ABCA4: variants seen among roughly 807,000 people sequenced by gnomAD.
The protein encoded by ABCA4 is retinal-specific phospholipid-transporting ATPase ABCA4.
In ABCA4, 196 loss-of-function variants were observed where a neutral mutation model predicts 263.7. The ratio of observed to expected loss-of-function variants is 0.74; its 90% confidence interval spans 0.66 to 0.84. The LOEUF is 0.84. ABCA4 is among the 40% of genes least tolerant of loss of function. The pLI is 0.00. For missense variants in ABCA4, 2,792 were observed against 2,855.1 expected (o/e 0.98, Z 0.50); for synonymous variants, 1,133 against 1,094.2 (o/e 1.04, Z -0.70).
chr1:94,066,190 CCAGTGTTTGT>C (rs1470997324), intron 11 of ABCA4, among the ~76,000 whole-genome samples: 1 of 152,124 alleles, frequency 6.6e-6, no homozygotes, highest in South Asian at 2.1e-4. Flanking sequence ...GGCCTGACAC[CCAGTGTTTGT>C]CAGTACTTAA....
At chr1:94,081,604 G>A (rs144887930) in intron 7 of ABCA4, among the ~76,000 whole-genome samples, 340 of 152,012 alleles carry the variant, frequency 2.2e-3, no homozygotes, top group African/African-American at 7.2e-3. Flanking sequence ...GTGTGTGTGC[G>A]TGTGTGTGTG....
intron 22 of ABCA4, among the ~76,000 whole-genome samples, chr1:94,042,350 C>A (rs1484386318): frequency 1.3e-5 from 2 of 152,048 alleles, no homozygotes; most frequent in African/African-American, 4.8e-5. Flanking sequence ...CTGTGGCCAC[C>A]CTCTGGAGCA....
Position 94,098,037 on chromosome 1 carries a change from G to A in ABCA4, c.768+757C>T, listed in dbSNP as rs193160877. 4.5e-4 allele frequency among the ~76,000 whole-genome samples: 68 copies of A among 152,320 alleles called. 1 individual carries two copies. The East Asian group carries it at 9.8e-3, about 22-fold the overall frequency. ...CTCCCAAAGTGCTGGGATTACAGGC[G>A]TGAGCCACTGCGCCCGGCCCTCTGA... On this transcript the variant is annotated intron_variant, in intron 6 of 49. Coordinates refer to ENST00000370225, the MANE Select transcript of ABCA4 (RefSeq NM_000350.3).
At chr1:94,067,853 C>T (rs1008438838) in intron 11 of ABCA4, among the ~76,000 whole-genome samples, 8 of 152,294 alleles carry the variant, frequency 5.3e-5, no homozygotes, top group East Asian at 1.9e-4. Flanking sequence ...TTAGGAGACA[C>T]GACTAAGCAA....
intron 18 of ABCA4, 93 bp downstream of exon 18, chr1:94,048,775 T>G: frequency 7.9e-7 from 1 of 1,258,826 alleles, no homozygotes; most frequent in East Asian, 2.3e-5. Flanking sequence ...TAGGCTTCTT[T>G]CCACCCTTGC....
intron 22 of ABCA4, among the ~76,000 whole-genome samples, chr1:94,042,030 C>T (rs958892301): frequency 4.5e-5 from 6 of 132,478 alleles, no homozygotes; most frequent in South Asian, 2.6e-4. Flanking sequence ...ACCCAGGAGG[C>T]GGAGCTTGCA....
rs1659841242 is a variant in ABCA4, at chr1:94,019,649, T to C, written c.5129A>G (p.Lys1710Arg). The stretch of plus-strand genomic sequence containing the variant: ...CACTCCACTGATAAACTGGAGGTGC[T>C]TGGATTTGTTCACCCGCTCCTGGAT... ...YLIQERVNKS[K>R]HLQFISGVSP... Residue 1710 changes from lysine to arginine, a missense_variant, in exon 36 of 50, where the codon AAG becomes AGG. Physicochemically the swap from Lys to Arg is conservative, Grantham distance 26. Transcript: ENST00000370225. 1 of 1,612,938 alleles carries C rather than the reference T, an allele frequency of 6.2e-7. No homozygotes were observed. The highest frequency in any genetic ancestry group is 1.1e-5 in the South Asian group (1 of 90,702).
chr1:94,111,408 C>T (rs773977029), intron 3 of ABCA4, 30 bp downstream of exon 3: 10 of 1,612,362 alleles, frequency 6.2e-6, no homozygotes, highest in Non-Finnish European at 8.5e-6. Context: ...GCAACTTCCT[C>T]CCCTGCATGG....
intron 3 of ABCA4, among the ~76,000 whole-genome samples, chr1:94,110,622 C>G (rs1456879336): frequency 6.6e-6 from 1 of 152,192 alleles, no homozygotes. Context: ...AAGCCTCTGT[C>G]TCTAGAATAT....
At chr1:94,047,778 T>G (rs1234077958) in intron 18 of ABCA4, among the ~76,000 whole-genome samples, 2 of 152,076 alleles carry the variant, frequency 1.3e-5, no homozygotes, top group Non-Finnish European at 2.9e-5. Context: ...TCACCATCCC[T>G]CAAACCCCAC....
intron 1 of ABCA4, 61 bp downstream of exon 1, chr1:94,120,918 AC>A: frequency 4.6e-6 from 1 of 215,484 alleles, no homozygotes; most frequent in Non-Finnish European, 7.9e-6. Flanking sequence ...ACCCCACCCC[AC>A]ACTTCCAACC....
chr1:94,024,774 A>G (rs1204737687), intron 31 of ABCA4, among the ~76,000 whole-genome samples, 180 bp downstream of exon 31: 1 of 152,170 alleles, frequency 6.6e-6, no homozygotes, highest in Non-Finnish European at 1.5e-5. Flanking sequence ...CTTAAGTTAC[A>G]TTTTACTTGT....
At chr1:94,066,861 G>T (rs1268880389) in intron 11 of ABCA4, among the ~76,000 whole-genome samples, 3 of 152,216 alleles carry the variant, frequency 2.0e-5, no homozygotes, top group Non-Finnish European at 4.4e-5. Context: ...TGTCCAATAT[G>T]GCAGGCAGGA....
chr1:94,097,485 C>A (rs1449341802), intron 6 of ABCA4, among the ~76,000 whole-genome samples: 1 of 152,152 alleles, frequency 6.6e-6, no homozygotes, highest in Non-Finnish European at 1.5e-5. Flanking sequence ...ACATTCCCTA[C>A]AACACAGTTC....
chr1:94,060,619 T>G lies in ABCA4; in HGVS notation c.2078A>C (p.Asn693Thr). ...GAACCAGGTACACCAAATCACTGCA[T>G]TGGAGACACCCTGATTTTTCAAGGT... ...KETLKNQGVSNAVIWCTWFLD... is the reference protein window; with the variant it reads ...KETLKNQGVSTAVIWCTWFLD... The change falls in exon 14 of 50, where the codon AAT becomes ACT. Residue 693 changes from asparagine to threonine, a missense_variant. Transcript: ENST00000370225. 6.2e-7 allele frequency: 1 copy of G among 1,614,174 alleles called. No homozygotes were observed. The highest frequency in any genetic ancestry group is 1.1e-5 in the South Asian group (1 of 91,078).
rs1660942370 is a variant in ABCA4 at position 94,055,214 on chromosome 1, G to C, written c.2484C>G (p.Pro828=). The change falls in exon 16 of 50, where the codon CCC becomes CCG. Residue 828 remains proline, a synonymous_variant. Coordinates refer to ENST00000370225, the MANE Select transcript of ABCA4 (RefSeq NM_000350.3). ...GGAAGCTGAATTCGTCCCCTTCCGT[G>C]GGACTGTTCCCGATGTTGCTCCACT... ...GLQWSNIGNS[P]TEGDEFSFLL... is the part of the protein sequence containing the mutation. 2.5e-6 allele frequency: 4 copies of C among 1,614,050 alleles called. No individual in the cohort carries two copies. Among genetic ancestry groups the C allele is most frequent in the South Asian group, 2.2e-5 (2 of 91,078 alleles).
intron 26 of ABCA4, among the ~76,000 whole-genome samples, chr1:94,033,985 G>A (rs1314664275): frequency 6.6e-6 from 1 of 152,140 alleles, no homozygotes; most frequent in Non-Finnish European, 1.5e-5. Flanking sequence ...CCTGACTGGA[G>A]CCCACTGACC....
chr1:94,004,545 G>A (rs1659316605), intron 44 of ABCA4, among the ~76,000 whole-genome samples: 1 of 152,178 alleles, frequency 6.6e-6, no homozygotes, highest in Non-Finnish European at 1.5e-5. Context: ...TTCAGCAGTT[G>A]TTTGTGTTAG....
rs568578107 is a variant in ABCA4 at position 94,083,559 on chromosome 1, G to A, written c.769-118C>T. 44 of 728,600 alleles carry A rather than the reference G, an allele frequency of 6.0e-5. No homozygotes were observed. The East Asian group carries it at 7.7e-4, about 13-fold the overall frequency. The allele number at this position is 728,600 out of a possible 1,614,324, so 45.1% of individuals were successfully genotyped here. A position where few individuals can be genotyped will look rare whatever the true frequency, so the allele number is the denominator to read the frequency against. ...ACTCCCCCCCTCCTTCTTTCTGATCGCAGGATCTTTTCTGCAAGATTACTT... is the reference window on the plus strand; with the variant it reads ...ACTCCCCCCCTCCTTCTTTCTGATCACAGGATCTTTTCTGCAAGATTACTT... On this transcript the variant is annotated intron_variant, in intron 6 of 49. Transcript: ENST00000370225.
Sources: allele counts gnomAD v4.1 joint callset (sites outside exome capture counted in the v4.1 genomes callset), GRCh38; gene constraint gnomAD v4.1.1; transcripts MANE v1.5; gene names NCBI Gene and HGNC (gene_info 2026-07-23, HGNC 2026-07-21).